The following TSPEAR variants were observed in gnomAD, a reference collection of about 807,000 sequenced individuals.
The protein encoded by TSPEAR is thrombospondin-type laminin G domain and EAR repeat-containing protein.
Under a neutral mutation model 71.6 loss-of-function variants are expected in TSPEAR, and 69 were observed. That is an observed-to-expected ratio of 0.96 (90% confidence interval 0.79 to 1.18). The LOEUF is 1.18. Among genes scored for constraint, TSPEAR ranks in the 50% most tolerant of loss-of-function variants. TSPEAR has a pLI of 0.00. For missense variants in TSPEAR, 971 were observed against 894.9 expected, an observed-to-expected ratio of 1.09 and a Z score of -1.09; for synonymous variants, 402 against 387.2, an observed-to-expected ratio of 1.04 and a Z score of -0.45.
chr21:44,677,898 A>T, intron 1 of TSPEAR: 1 of 1,400,564 alleles, frequency 7.1e-7, no homozygotes, highest in East Asian at 2.3e-5. Flanking sequence ...TTTGGCATAT[A>T]GGATAGTGCC....
chr21:44,638,607 G>A (rs587642315), intron 1 of TSPEAR, among the ~76,000 whole-genome samples: 282 of 151,006 alleles, frequency 1.9e-3, no homozygotes, highest in African/African-American at 6.5e-3. Context: ...ACCCCCGAGG[G>A]GCATGGGATG....
chr21:44,511,669 C>A (rs185276638), intron 9 of TSPEAR, among the ~76,000 whole-genome samples: 1 of 152,262 alleles, frequency 6.6e-6, no homozygotes, highest in African/African-American at 2.4e-5. Context: ...TGAGGACACA[C>A]GCCTCCAGCC....
chr21:44,695,727 C>T lies in TSPEAR; in HGVS notation c.82+15706G>A, dbSNP rs1482103623. Reference sequence around the variant, plus strand: ...TAACACTCCACGCCAGGGTTCTCATCTCACCGCAGCGGGACAGGGGTACAC... The same window carrying T: ...TAACACTCCACGCCAGGGTTCTCATTTCACCGCAGCGGGACAGGGGTACAC... On this transcript the variant is annotated intron_variant, in intron 1 of 11. Transcript: ENST00000323084. This position sits in a 1 kb window ranked among gnomAD's most constrained non-coding sequence, Gnocchi z 4.5. Among the ~76,000 whole-genome samples the T allele has an allele frequency of 6.6e-6, 1 of 152,216 alleles. No homozygotes were observed. The highest frequency in any genetic ancestry group is 2.4e-5 in the African/African-American group (1 of 41,462).
intron 1 of TSPEAR, among the ~76,000 whole-genome samples, chr21:44,670,947 G>A (rs1022862921): frequency 2.6e-5 from 4 of 152,214 alleles, no homozygotes; most frequent in Admixed American, 6.5e-5. Context: ...TGTACCCTGA[G>A]TACAGGCTTT....
chr21:44,574,407 G>T, intron 1 of TSPEAR: 1 of 1,602,490 alleles, frequency 6.2e-7, no homozygotes, highest in Non-Finnish European at 8.5e-7. Context: ...CTGCCAGCCG[G>T]CTTGCTGCAC....
intron 9 of TSPEAR, among the ~76,000 whole-genome samples, chr21:44,514,383 A>G (rs959941279): frequency 3.2e-4 from 48 of 151,902 alleles, no homozygotes; most frequent in African/African-American, 9.4e-4. Context: ...CGTGTGCATG[A>G]GTGTGCATGT....
At chr21:44,528,810 C>T (rs1601368362) in intron 5 of TSPEAR, among the ~76,000 whole-genome samples, 1 of 152,240 alleles carries the variant, frequency 6.6e-6, no homozygotes, top group Non-Finnish European at 1.5e-5. Flanking sequence ...TATGGTCAGC[C>T]CACCCTCTGT....
Position 44,593,194 on chromosome 21 carries a change from G to T in TSPEAR, c.83-25189C>A, listed in dbSNP as rs1432914611. Among the ~76,000 whole-genome samples, 5 of 152,192 alleles carry T rather than the reference G, an allele frequency of 3.3e-5. No homozygotes were observed. Among genetic ancestry groups the T allele is most frequent in the African/African-American group, 1.2e-4 (5 of 41,460 alleles). ...GACAGCCTTCTGGGCTGTGGTTTTG[G>T]GTTCTGAACCTGCAGAGTAACCGTG... On this transcript the variant is annotated intron_variant, in intron 1 of 11. Coordinates refer to ENST00000323084, the MANE Select transcript of TSPEAR (RefSeq NM_144991.3). The surrounding 1 kb of genome is among the most constrained non-coding windows in gnomAD (Gnocchi z 5.9).
rs587612335 is a variant in TSPEAR, at chr21:44,523,697, G to A, written c.1337-1585C>T. ...AGGTAGTCATCAGCCAGTCAGATAG[G>A]CAGGTAGTTAGTCATCAGTCAGTCA... On this transcript the variant is annotated intron_variant, in intron 8 of 11. Coordinates refer to ENST00000323084, the MANE Select transcript of TSPEAR (RefSeq NM_144991.3). 3.0e-3 allele frequency among the ~76,000 whole-genome samples: 457 copies of A among 150,790 alleles called. 4 individuals carry two copies. Among genetic ancestry groups the A allele is most frequent in the African/African-American group, 0.01 (425 of 41,034 alleles).
In TSPEAR at chr21:44,499,769, G is replaced by C; in HGVS notation, c.*14C>G. On this transcript the variant is annotated 3_prime_UTR_variant, in exon 12 of 12. Transcript: ENST00000323084. ...CCACCTGGCCACCCCAGTTGCTGCCGGGCAGCCGCGGCCTCAGCGTGTCCT... is the reference window on the plus strand; with the variant it reads ...CCACCTGGCCACCCCAGTTGCTGCCCGGCAGCCGCGGCCTCAGCGTGTCCT... 1.9e-6 allele frequency: 3 copies of C among 1,548,622 alleles called. No homozygotes were observed. Among genetic ancestry groups the C allele is most frequent in the Non-Finnish European group, 2.6e-6 (3 of 1,148,204 alleles).
chr21:44,655,269 A>G (rs1310957441), intron 1 of TSPEAR, among the ~76,000 whole-genome samples: 1 of 152,096 alleles, frequency 6.6e-6, no homozygotes, highest in Non-Finnish European at 1.5e-5. Flanking sequence ...AGGGATCTGG[A>G]CTGCTTAGTT....
chr21:44,572,192 C>A (rs974549233), intron 1 of TSPEAR, among the ~76,000 whole-genome samples: 1 of 152,218 alleles, frequency 6.6e-6, no homozygotes, highest in Non-Finnish European at 1.5e-5. Context: ...AACACCCAAC[C>A]GGTCAAGGTC....
intron 9 of TSPEAR, among the ~76,000 whole-genome samples, chr21:44,513,308 TGAG>T (rs1260477837): frequency 1.3e-5 from 2 of 152,122 alleles, no homozygotes; most frequent in African/African-American, 4.8e-5. Context: ...CATTCAGAAG[TGAG>T]GAGGTGCCCC....
chr21:44,521,858 C>G, intron 9 of TSPEAR, 25 bp downstream of exon 9: 1 of 1,604,020 alleles, frequency 6.2e-7, no homozygotes, highest in South Asian at 1.1e-5. Context: ...CAATGGAGAG[C>G]CGGGGCTCAT....
chr21:44,624,229 A>G (rs587629875), intron 1 of TSPEAR, among the ~76,000 whole-genome samples: 1 of 152,194 alleles, frequency 6.6e-6, no homozygotes, highest in African/African-American at 2.4e-5. Flanking sequence ...TATTATGTTC[A>G]TTTCCAGAAT....
chr21:44,637,417 C>T (rs1443161133), intron 1 of TSPEAR: 1 of 1,600,250 alleles, frequency 6.2e-7, no homozygotes, highest in Non-Finnish European at 8.5e-7. Context: ...CCCACTCCAG[C>T]ATGGCCGCCT....
At chr21:44,539,939 C>A in intron 2 of TSPEAR, 1 of 1,613,736 alleles carries the variant, frequency 6.2e-7, no homozygotes, top group Non-Finnish European at 8.5e-7. Flanking sequence ...GGAGCTGGTG[C>A]AGCCTGATTG....
rs1051922112 is a variant in TSPEAR, at chr21:44,556,909, C to T, written c.303+10876G>A. Among the ~76,000 whole-genome samples, 5 of 152,276 alleles carry T rather than the reference C, an allele frequency of 3.3e-5. No homozygotes were observed. In the East Asian group the frequency reaches 5.8e-4, roughly 18 times the overall value. On this transcript the variant is annotated intron_variant, in intron 2 of 11. Transcript: ENST00000323084. ...GCACAAGGGAACTTCCCGGCCACCT[C>T]GTGAAAGCTTTGGAGGTTTTCAGAT... is the stretch of plus-strand genomic sequence containing the variant.
At chr21:44,597,562 A>G (rs442761) in intron 1 of TSPEAR, among the ~76,000 whole-genome samples, 17,464 of 151,238 alleles carry the variant, frequency 0.12, 1,562 homozygotes, top group African/African-American at 0.24. Flanking sequence ...CCTCCCAAGT[A>G]GCTGAGATTA....
Sources: allele counts gnomAD v4.1 joint callset (sites outside exome capture counted in the v4.1 genomes callset), GRCh38; gene constraint gnomAD v4.1.1; non-coding constraint Gnocchi (gnomAD v3.1); transcripts MANE v1.5; gene names NCBI Gene and HGNC (gene_info 2026-07-23, HGNC 2026-07-21).